Variants in ATP10A observed in about 807,000 individuals in gnomAD.
ATP10A encodes phospholipid-transporting ATPase VA.
In ATP10A, 111 loss-of-function variants were observed where a neutral mutation model predicts 147.8. That is an observed-to-expected ratio of 0.75 (90% CI 0.64 to 0.88). ATP10A has a LOEUF of 0.88. Ranked by LOEUF, ATP10A falls within the 40% of genes least tolerant of loss-of-function variation. The pLI is 0.00. For missense variants in ATP10A, 1,927 were observed against 1,959.0 expected (o/e 0.98, Z 0.31); for synonymous variants, 875 against 841.6 (o/e 1.04, Z -0.69).
At chr15:25,673,627 G>C (rs1302275970), downstream of ATP10A, among the ~76,000 whole-genome samples, 2 of 152,212 alleles carry the variant, frequency 1.3e-5, no homozygotes, top group Non-Finnish European at 2.9e-5. Flanking sequence ...AGAGCGTTCT[G>C]AAGGACTCAC....
chr15:25,687,309 T>C (rs535854430), intron 16 of ATP10A, among the ~76,000 whole-genome samples: 4 of 152,180 alleles, frequency 2.6e-5, no homozygotes, highest in South Asian at 4.2e-4. Context: ...GAGAAACCTA[T>C]GGACAGAGTG....
intron 6 of ATP10A, among the ~76,000 whole-genome samples, chr15:25,722,706 G>A (rs1022540505): frequency 7.9e-5 from 12 of 152,274 alleles, no homozygotes; most frequent in South Asian, 2.1e-4. Flanking sequence ...AAATAAGACT[G>A]TTTCCTGTTG....
At chr15:25,702,545 A>G (rs1900731060) in intron 12 of ATP10A, among the ~76,000 whole-genome samples, 1 of 152,250 alleles carries the variant, frequency 6.6e-6, no homozygotes, top group Non-Finnish European at 1.5e-5. Flanking sequence ...AATGAAATTC[A>G]GAATGTCCAG....
chr15:25,730,447 A>T (rs929620049), intron 3 of ATP10A, among the ~76,000 whole-genome samples: 1 of 152,106 alleles, frequency 6.6e-6, no homozygotes, highest in African/African-American at 2.4e-5. Context: ...CTCCCCAGGC[A>T]TCTCCCTGGT....
chr15:25,763,311 A>G (rs1021832895), intron 2 of ATP10A, among the ~76,000 whole-genome samples: 5 of 152,212 alleles, frequency 3.3e-5, no homozygotes, highest in African/African-American at 1.2e-4. Flanking sequence ...TAGATCACTA[A>G]TTTAACATCC....
At position 25,707,543 on chromosome 15, in the gene ATP10A, G is replaced by A. The variant is rs546090627; in HGVS notation, c.2575+433C>T. 2.6e-5 allele frequency among the ~76,000 whole-genome samples: 4 copies of A among 152,264 alleles called. No homozygotes were observed. The South Asian group carries it at 8.3e-4, about 32-fold the overall frequency. On this transcript the variant is annotated intron_variant, in intron 12 of 20. Transcript: ENST00000555815. Reference sequence around the variant, plus strand: ...CAAGATGAACACAGCTGGAAATGTGGACATATTTCAGTAAAAATGAGCCCA... The same window carrying A: ...CAAGATGAACACAGCTGGAAATGTGAACATATTTCAGTAAAAATGAGCCCA...
At chr15:25,809,366 A>C (rs1441634937) in intron 1 of ATP10A, among the ~76,000 whole-genome samples, 2 of 152,204 alleles carry the variant, frequency 1.3e-5, no homozygotes, top group Non-Finnish European at 2.9e-5. Flanking sequence ...GGAATGGAGA[A>C]CATGCATTTT....
rs911329363 is a variant in ATP10A, at chr15:25,837,987, G to T, written c.449+24661C>A. Among the ~76,000 whole-genome samples, 5 of 152,328 alleles carry T rather than the reference G, an allele frequency of 3.3e-5. No individual in the cohort carries two copies. The East Asian group carries it at 5.8e-4, about 18-fold the overall frequency. On this transcript the variant is annotated intron_variant, in intron 1 of 20. Coordinates refer to ENST00000555815, the MANE Select transcript of ATP10A (RefSeq NM_024490.4). ...GGGACAGCTGAGCTGCCAGGGCTCC[G>T]GGCCATGGAGCTAGTTTGCACAGAT...
chr15:25,674,044 G>A (rs919167701), downstream of ATP10A, among the ~76,000 whole-genome samples: 2 of 152,216 alleles, frequency 1.3e-5, no homozygotes, highest in Non-Finnish European at 2.9e-5. Context: ...AGTTACCGCT[G>A]TTACACTGAT....
In ATP10A at chr15:25,779,312, T is replaced by C. The variant is rs187432833; in HGVS notation, c.654+1707A>G. Among the ~76,000 whole-genome samples the C allele has an allele frequency of 2.5e-4, 38 of 152,342 alleles. 1 individual carries two copies. In the East Asian group the frequency reaches 7.3e-3, roughly 29 times the overall value. ...TCCACCTTGTCTGAGGTTTCACCAG[T>C]AGATACTCATCTGCATTTGTTTAAG... On this transcript the variant is annotated intron_variant, in intron 2 of 20. Transcript: ENST00000555815.
At chr15:25,712,473 TG>T (rs1346244334) in intron 10 of ATP10A, among the ~76,000 whole-genome samples, 1 of 152,194 alleles carries the variant, frequency 6.6e-6, no homozygotes, top group African/African-American at 2.4e-5. Context: ...CCCGTCATGC[TG>T]TGAAATCTGA....
chr15:25,717,501 C>T (rs1187127306), intron 8 of ATP10A, among the ~76,000 whole-genome samples: 2 of 152,182 alleles, frequency 1.3e-5, no homozygotes, highest in Non-Finnish European at 2.9e-5. Flanking sequence ...AACCTTGTTC[C>T]AGTGCAGCCT....
At chr15:25,743,001 G>A (rs914936957) in intron 2 of ATP10A, among the ~76,000 whole-genome samples, 7 of 152,162 alleles carry the variant, frequency 4.6e-5, no homozygotes, top group African/African-American at 7.2e-5. Context: ...GGGTGTGAAC[G>A]TGTCATGCTT....
At chr15:25,698,893 T>C (rs894288792) in intron 13 of ATP10A, among the ~76,000 whole-genome samples, 2 of 152,152 alleles carry the variant, frequency 1.3e-5, no homozygotes, top group African/African-American at 4.8e-5. Flanking sequence ...TAACAAAACA[T>C]GTATATGATG....
intron 2 of ATP10A, among the ~76,000 whole-genome samples, chr15:25,754,637 G>A (rs761551387): frequency 3.9e-5 from 6 of 152,054 alleles, no homozygotes; most frequent in African/African-American, 7.2e-5. Context: ...AAGTCATCCC[G>A]GCCCTGAGAA....
chr15:25,673,580 G>A (rs924748766), downstream of ATP10A, among the ~76,000 whole-genome samples: 4 of 152,198 alleles, frequency 2.6e-5, no homozygotes, highest in Admixed American at 2.0e-4. Context: ...TCCAAGTGAC[G>A]GAGATGTCAC....
chr15:25,855,061 C>CAAAAAAAA (rs58243465), intron 1 of ATP10A, among the ~76,000 whole-genome samples: 9 of 66,010 alleles, frequency 1.4e-4, no homozygotes, highest in African/African-American at 3.3e-4. Flanking sequence ...CTCCGTCTCA[C>CAAAAAAAA]AAAAAAAAAA....
intron 16 of ATP10A, among the ~76,000 whole-genome samples, chr15:25,686,163 G>A (rs575708937): frequency 1.1e-4 from 16 of 152,302 alleles, no homozygotes; most frequent in African/African-American, 3.9e-4. Flanking sequence ...CTGAGCAGCT[G>A]TATGCATTTG....
intron 1 of ATP10A, among the ~76,000 whole-genome samples, chr15:25,847,303 G>A (rs1893065628): frequency 1.3e-5 from 2 of 152,144 alleles, no homozygotes; most frequent in Middle Eastern, 3.2e-3. Context: ...CTGCTCCCAG[G>A]CTCTGCCCCT....
Sources: allele counts gnomAD v4.1 joint callset (sites outside exome capture counted in the v4.1 genomes callset), GRCh38; gene constraint gnomAD v4.1.1; transcripts MANE v1.5; gene names NCBI Gene and HGNC (gene_info 2026-07-23, HGNC 2026-07-21).